LRRC45: variants seen among roughly 807,000 people sequenced by gnomAD.
LRRC45 encodes the protein leucine rich repeat containing 45, also known as leucine-rich repeat-containing protein 45.
A neutral mutation model predicts 85.4 loss-of-function variants in LRRC45; 73 were observed. That is an observed-to-expected ratio of 0.85 (90% CI 0.71 to 1.04). LRRC45 has a LOEUF of 1.04. Among genes scored for constraint, LRRC45 ranks in the 50% least tolerant of loss-of-function variants. The pLI is 0.00. For synonymous variants in LRRC45, 429 were observed against 386.0 expected (o/e 1.11, Z -1.31); for missense variants, 937 against 883.3 (o/e 1.06, Z -0.77).
chr17:82,024,659 C>T, intron 2 of LRRC45, 34 bp from the exon 3 acceptor site: 1 of 1,558,550 alleles, frequency 6.4e-7, no homozygotes, highest in Non-Finnish European at 8.7e-7. Flanking sequence ...CCAGTCAGGG[C>T]ACGCGAGTGA....
intron 1 of LRRC45, 133 bp downstream of exon 1, chr17:82,023,996 C>T: frequency 1.2e-6 from 1 of 863,016 alleles, no homozygotes; most frequent in Non-Finnish European, 1.8e-6. Context: ...GGCGCCCCTT[C>T]CTGCACCTGG....
At position 82,023,724 on chromosome 17, in the gene LRRC45, G is replaced by T; in HGVS notation, c.81G>T (p.Leu27=). ...AEPQEAVLQQ[L]HQLPRGRLDL... The stretch of plus-strand genomic sequence containing the variant: ...CCCAGGAGGCTGTCCTGCAGCAGCT[G>T]CACCAGCTTCCCAGGGGCCGGCTGG... The change falls in exon 1 of 17, where the codon CTG becomes CTT. Residue 27 remains leucine, a synonymous_variant. Coordinates refer to ENST00000306688, the MANE Select transcript of LRRC45 (RefSeq NM_144999.4). 6.4e-7 allele frequency: 1 copy of T among 1,550,844 alleles called. No homozygotes were observed.
Position 82,028,247 on chromosome 17 carries a change from G to C in LRRC45, c.1061G>C (p.Arg354Pro). The C allele has an allele frequency of 1.3e-6, 2 of 1,575,988 alleles. No individual in the cohort carries two copies. The highest frequency in any genetic ancestry group is 1.7e-6 in the Non-Finnish European group (2 of 1,160,730). Residue 354 changes from arginine to proline, a missense_variant, in exon 10 of 17, where the codon CGG becomes CCG. By Grantham distance (103) the Arg-to-Pro change is moderately radical. Coordinates refer to ENST00000306688, the MANE Select transcript of LRRC45 (RefSeq NM_144999.4). ...TTCCCCTCCCAGGAAGCTGCAGAGC[G>C]GGAGTCTAAACTCCTCAGAGACTTG... ...LKLEQQEAAE[R>P]ESKLLRDLSA...
chr17:82,027,681 G>A lies in LRRC45; in HGVS notation c.841G>A (p.Ala281Thr). 1 of 1,610,182 alleles carries A rather than the reference G, an allele frequency of 6.2e-7. No individual in the cohort carries two copies. The highest frequency in any genetic ancestry group is 1.7e-4 in the Middle Eastern group (1 of 6,060). Residue 281 changes from alanine to threonine, a missense_variant, in exon 8 of 17, where the codon GCA becomes ACA. Physicochemically the swap from Ala to Thr is moderately conservative, Grantham distance 58. Transcript: ENST00000306688. ...EEMAKSSRASAARVGQLQEAL... is the reference protein window; with the variant it reads ...EEMAKSSRASTARVGQLQEAL... ...CCTCCTCTCTGCCCACAGGGCGTCG[G>A]CAGCCCGTGTAGGGCAGCTTCAGGA... is the stretch of plus-strand genomic sequence containing the variant.
chr17:82,030,922 G>A lies in LRRC45; in HGVS notation c.*117G>A, dbSNP rs2043415939. The stretch of plus-strand genomic sequence containing the variant: ...AGACCCGGGTCGTCTGTTCCACGCG[G>A]CGGTTGCGGCGACTGTTGGTGGTGT... On this transcript the variant is annotated 3_prime_UTR_variant, in exon 17 of 17. Coordinates refer to ENST00000306688, the MANE Select transcript of LRRC45 (RefSeq NM_144999.4). The A allele has an allele frequency of 2.0e-5, 16 of 781,830 alleles. 1 individual carries two copies. The South Asian group carries it at 9.2e-4, about 45-fold the overall frequency. 48.4% of individuals were successfully genotyped at this position (781,830 alleles called of 1,614,324 possible).
At chr17:82,024,954 G>C in intron 3 of LRRC45, 46 bp from the exon 4 acceptor site, 1 of 1,496,216 alleles carries the variant, frequency 6.7e-7, no homozygotes, top group Non-Finnish European at 9.0e-7. Context: ...GACCCCACGG[G>C]CTAGGCAGTC....
At chr17:82,030,525 G>A in intron 16 of LRRC45, 59 bp downstream of exon 16, 2 of 1,518,270 alleles carry the variant, frequency 1.3e-6, no homozygotes, top group South Asian at 2.4e-5. Flanking sequence ...CAGCCAGAGA[G>A]CGGGGCTGGC....
rs1190033397 is a variant in LRRC45 at position 82,028,161 on chromosome 17, CTT to C, written c.1047+16_1047+17del. ...TGGAGCAGCAGGTGGGTGGGCAGGG[CTT>C]GAGAGGGGTGGGCCAAGGGGTGCGT... On this transcript the variant is annotated intron_variant, in intron 9 of 16. Transcript: ENST00000306688. 6.4e-7 allele frequency: 1 copy of C among 1,561,342 alleles called. No individual in the cohort carries two copies. The highest frequency in any genetic ancestry group is 8.7e-7 in the Non-Finnish European group (1 of 1,153,282).
At chr17:82,024,556 A>G in intron 2 of LRRC45, 137 bp from the exon 3 acceptor site, 1 of 1,105,442 alleles carries the variant, frequency 9.0e-7, no homozygotes, top group Middle Eastern at 2.3e-4. Context: ...CCCTGAAGAC[A>G]GGGAGCCCAG....
At chr17:82,023,969 T>C in intron 1 of LRRC45, 106 bp downstream of exon 1, 1 of 1,144,494 alleles carries the variant, frequency 8.7e-7, no homozygotes, top group Non-Finnish European at 1.2e-6. Flanking sequence ...TTCTGTGCCG[T>C]AGTTAAAGCG....
At position 82,027,748 on chromosome 17, in the gene LRRC45, C is replaced by A. The variant is rs777512439; in HGVS notation, c.908C>A (p.Ala303Asp). The change falls in exon 8 of 17, where the codon GCC (alanine) becomes GAC (aspartate). Residue 303 changes from alanine to aspartate, a missense_variant. Ala to Asp is a moderately radical substitution (Grantham distance 126). Transcript: ENST00000306688. ...CACTCCATCATCAACGCTCTCAAGG[C>A]CAAGTAAGTGGGGGGTGGCCTCAGG... ...ERHSIINALK[A>D]KLQMTEAALA... The A allele has an allele frequency of 7.5e-6, 12 of 1,610,526 alleles. No individual in the cohort carries two copies. Among genetic ancestry groups the A allele is most frequent in the Non-Finnish European group, 9.3e-6 (11 of 1,178,940 alleles).
Position 82,029,200 on chromosome 17 carries a change from G to A in LRRC45, c.1401+15G>A, listed in dbSNP as rs1193865141. 6.2e-7 allele frequency: 1 copy of A among 1,606,202 alleles called. No homozygotes were observed. The highest frequency in any genetic ancestry group is 8.5e-7 in the Non-Finnish European group (1 of 1,177,948). On this transcript the variant is annotated intron_variant, in intron 13 of 16. Transcript: ENST00000306688. ...CCCTGGAGGAGGTGAGTGCCCACCA[G>A]GCAGGGCCAAGCTCTGCCTTAGTCC...
In LRRC45 at chr17:82,027,023, G is replaced by T. The variant is rs747922120; in HGVS notation, c.774+12G>T. On this transcript the variant is annotated intron_variant, in intron 6 of 16. Coordinates refer to ENST00000306688, the MANE Select transcript of LRRC45 (RefSeq NM_144999.4). ...AGAAGTCCAAGCAGGTGAGGATGGC[G>T]CCTTCACTGACCTTGGAGCTGCTTA... is the stretch of plus-strand genomic sequence containing the variant. 5.1e-6 allele frequency: 8 copies of T among 1,574,968 alleles called. No individual in the cohort carries two copies. Among genetic ancestry groups the T allele is most frequent in the Non-Finnish European group, 6.9e-6 (8 of 1,162,486 alleles).
At position 82,027,767 on chromosome 17, in the gene LRRC45, C is replaced by T. The variant is rs2043381133; in HGVS notation, c.911+16C>T. 1 of 1,607,940 alleles carries T rather than the reference C, an allele frequency of 6.2e-7. No homozygotes were observed. The highest frequency in any genetic ancestry group is 8.5e-7 in the Non-Finnish European group (1 of 1,177,404). ...TCAAGGCCAAGTAAGTGGGGGGTGG[C>T]CTCAGGATACTTCAGAGACGTGCCC... On this transcript the variant is annotated intron_variant, in intron 8 of 16. Coordinates refer to ENST00000306688, the MANE Select transcript of LRRC45 (RefSeq NM_144999.4).
At position 82,027,721 on chromosome 17, in the gene LRRC45, G is replaced by A. The variant is rs1703660893; in HGVS notation, c.881G>A (p.Arg294Lys). 6.2e-7 allele frequency: 1 copy of A among 1,611,212 alleles called. No homozygotes were observed. The highest frequency in any genetic ancestry group is 8.5e-7 in the Non-Finnish European group (1 of 1,179,286). ...VGQLQEALNE[R>K]HSIINALKAK... ...CAGCTTCAGGAAGCCCTGAATGAGA[G>A]GCACTCCATCATCAACGCTCTCAAG... is the stretch of plus-strand genomic sequence containing the variant. Residue 294 changes from arginine to lysine, a missense_variant, in exon 8 of 17, where the codon AGG becomes AAG. Transcript: ENST00000306688.
rs1174805778 is a variant in LRRC45 at position 82,023,482 on chromosome 17, C to G, written c.-162C>G. ...ACCTTGACTACCGCCCAGCCCCGCG[C>G]TCCCAGGACCTCCCGCCCGCGGAGC... is the stretch of plus-strand genomic sequence containing the variant. On this transcript the variant is annotated 5_prime_UTR_variant, in exon 1 of 17. Transcript: ENST00000306688. The G allele has an allele frequency of 3.2e-6, 2 of 628,978 alleles. No individual in the cohort carries two copies. The highest frequency in any genetic ancestry group is 5.3e-6 in the Non-Finnish European group (2 of 375,356). 39.0% of individuals were successfully genotyped at this position (628,978 alleles called of 1,614,324 possible).
intron 6 of LRRC45, 49 bp downstream of exon 6, chr17:82,027,060 C>G (rs1242612478): frequency 3.5e-6 from 5 of 1,445,352 alleles, no homozygotes; most frequent in Non-Finnish European, 4.7e-6. Flanking sequence ...GGCTGGAGGG[C>G]CTGGCCACGT....
At chr17:82,029,733 G>T in intron 14 of LRRC45, 98 bp downstream of exon 14, 1 of 1,225,934 alleles carries the variant, frequency 8.2e-7, no homozygotes. Context: ...TGGGGAGGCG[G>T]GAGTGTGGTG....
At position 82,024,354 on chromosome 17, in the gene LRRC45, C is replaced by G. The variant is rs1568013209; in HGVS notation, c.282+15C>G. The G allele has an allele frequency of 6.2e-7, 1 of 1,612,052 alleles. No homozygotes were observed. Among genetic ancestry groups the G allele is most frequent in the East Asian group, 2.2e-5 (1 of 44,878 alleles). ...TGGACTTAAAGGTGAGATACCTGCA[C>G]TCTTGAGTGTCCGAGTGTGCCACCC... On this transcript the variant is annotated intron_variant, in intron 2 of 16. Transcript: ENST00000306688.
Sources: allele counts gnomAD v4.1 joint callset, GRCh38; gene constraint gnomAD v4.1.1; transcripts MANE v1.5; gene names NCBI Gene and HGNC (gene_info 2026-07-23, HGNC 2026-07-21).